The following NTNG1 variants were observed in gnomAD, a reference collection of about 807,000 sequenced individuals.
The protein encoded by NTNG1 is netrin-G1.
Under a neutral mutation model 54.0 loss-of-function variants are expected in NTNG1, and 16 were observed. The observed-to-expected ratio is 0.30, with a 90% confidence interval of 0.20 to 0.45. NTNG1 has a LOEUF of 0.45. Ranked by LOEUF, NTNG1 falls within the 20% of genes least tolerant of loss-of-function variation. The pLI, the probability that NTNG1 is intolerant of heterozygous loss-of-function variation, is 1.00. For missense variants in NTNG1, 530 were observed against 678.7 expected, an observed-to-expected ratio of 0.78 and a Z score of 2.43; for synonymous variants, 255 against 263.1, an observed-to-expected ratio of 0.97 and a Z score of 0.30.
intron 3 of NTNG1, among the ~76,000 whole-genome samples, chr1:107,325,189 A>G (rs534569052): frequency 6.6e-6 from 1 of 152,122 alleles, no homozygotes; most frequent in Non-Finnish European, 1.5e-5. Context: ...CTGAGTCGGG[A>G]GGTCCTTTAG....
At chr1:107,268,070 A>G (rs556083916) in intron 2 of NTNG1, among the ~76,000 whole-genome samples, 1 of 152,200 alleles carries the variant, frequency 6.6e-6, no homozygotes, top group South Asian at 2.1e-4. Flanking sequence ...TTTCTCCTAC[A>G]TTATCATTTC....
At chr1:107,420,123 GTT>G (rs1298422338) in intron 5 of NTNG1, among the ~76,000 whole-genome samples, 1 of 152,044 alleles carries the variant, frequency 6.6e-6, no homozygotes, top group Non-Finnish European at 1.5e-5. Flanking sequence ...TCCACAGTGA[GTT>G]TTGAGCTGAA....
chr1:107,407,866 C>A (rs1228814477), intron 5 of NTNG1, 158 bp downstream of exon 5: 1 of 763,138 alleles, frequency 1.3e-6, no homozygotes, highest in Non-Finnish European at 2.4e-6. Flanking sequence ...CTGCACAGAT[C>A]TGGTGAGAAC....
chr1:107,361,126 A>G (rs1356408570), intron 3 of NTNG1, among the ~76,000 whole-genome samples: 2 of 145,400 alleles, frequency 1.4e-5, no homozygotes, highest in African/African-American at 2.5e-5. Flanking sequence ...ATAGTATTAT[A>G]TATTTCTTAT....
rs12024408 is a variant in NTNG1, at chr1:107,281,338, T to A, written c.247-42944T>A. On this transcript the variant is annotated intron_variant, in intron 2 of 7. Transcript: ENST00000370068. ...ACAAGTCCCTTAACTGCTCTTGGAATTTATATTTAGCAGGGATTTTTTTTT... is the reference window on the plus strand; with the variant it reads ...ACAAGTCCCTTAACTGCTCTTGGAAATTATATTTAGCAGGGATTTTTTTTT... Among the ~76,000 whole-genome samples the A allele has an allele frequency of 2.4e-3, 358 of 152,084 alleles. 9 individuals carry two copies. In the East Asian group the frequency reaches 0.055, roughly 23 times the overall value.
chr1:107,402,068 A>G (rs1207751085), intron 4 of NTNG1, among the ~76,000 whole-genome samples: 2 of 152,196 alleles, frequency 1.3e-5, no homozygotes, highest in Non-Finnish European at 1.5e-5. Context: ...GCAGCTATGT[A>G]GGGAGATATA....
chr1:107,223,730 C>T (rs1337069770), intron 2 of NTNG1, among the ~76,000 whole-genome samples: 1 of 152,014 alleles, frequency 6.6e-6, no homozygotes, highest in Non-Finnish European at 1.5e-5. Context: ...AAAGGTATCT[C>T]TAGGGATTAC....
rs1337394959 is a variant in NTNG1, at chr1:107,416,790, C to T, written c.1087+9082C>T. On this transcript the variant is annotated intron_variant, in intron 5 of 7. Transcript: ENST00000370068. ...GCATTTCATCAAGACAAACAAGTCA[C>T]TACTTAACATTAAGCTTGCAAACAT... 7.9e-5 allele frequency among the ~76,000 whole-genome samples: 12 copies of T among 152,030 alleles called. No individual in the cohort carries two copies. The East Asian group carries it at 2.1e-3, about 27-fold the overall frequency.
intron 2 of NTNG1, among the ~76,000 whole-genome samples, chr1:107,196,939 C>T (rs1426255178): frequency 6.6e-6 from 1 of 151,408 alleles, no homozygotes. Context: ...CATTCTCGGG[C>T]GGGTGTGTGT....
At chr1:107,429,895 C>G (rs1675148121) in intron 5 of NTNG1, among the ~76,000 whole-genome samples, 1 of 152,148 alleles carries the variant, frequency 6.6e-6, no homozygotes, top group Admixed American at 6.6e-5. Context: ...CCCAACTACT[C>G]TCATGCTCTT....
chr1:107,194,474 T>G (rs756357212), intron 2 of NTNG1, among the ~76,000 whole-genome samples: 1 of 152,100 alleles, frequency 6.6e-6, no homozygotes, highest in African/African-American at 2.4e-5. Context: ...AATACTTTGA[T>G]TTATTCTTCT....
At chr1:107,238,951 C>T (rs902648067) in intron 2 of NTNG1, among the ~76,000 whole-genome samples, 3 of 151,966 alleles carry the variant, frequency 2.0e-5, no homozygotes, top group African/African-American at 7.3e-5. Flanking sequence ...GGAAGCTATG[C>T]TCCAGAAAGA....
intron 5 of NTNG1, among the ~76,000 whole-genome samples, chr1:107,418,942 G>A (rs1053512872): frequency 3.9e-5 from 6 of 151,954 alleles, no homozygotes; most frequent in Admixed American, 3.9e-4. Context: ...GGACAAACAA[G>A]ACTTAAAAAT....
chr1:107,283,866 T>A (rs906008536), intron 2 of NTNG1, among the ~76,000 whole-genome samples: 4 of 152,196 alleles, frequency 2.6e-5, no homozygotes, highest in African/African-American at 9.6e-5. Context: ...TTTCAGTTAT[T>A]CATTTGCATG....
chr1:107,475,275 T>C (rs949771185), intron 7 of NTNG1, among the ~76,000 whole-genome samples: 1 of 152,208 alleles, frequency 6.6e-6, no homozygotes, highest in Non-Finnish European at 1.5e-5. Flanking sequence ...ACATTTCTCC[T>C]GATTGTTCTT....
chr1:107,168,619 C>A (rs1655988078), intron 2 of NTNG1, among the ~76,000 whole-genome samples: 1 of 152,012 alleles, frequency 6.6e-6, no homozygotes, highest in African/African-American at 2.4e-5. Context: ...TTAAAATAAT[C>A]ATATTTTAAA....
chr1:107,446,374 T>A (rs892205661), intron 7 of NTNG1, among the ~76,000 whole-genome samples: 2 of 152,124 alleles, frequency 1.3e-5, no homozygotes, highest in African/African-American at 4.8e-5. Context: ...GGCCATAAAA[T>A]GATCAGGATT....
chr1:107,241,804 G>A (rs543357102), intron 2 of NTNG1, among the ~76,000 whole-genome samples: 24 of 152,224 alleles, frequency 1.6e-4, no homozygotes, highest in Admixed American at 7.8e-4. Flanking sequence ...AAAAAAAGTC[G>A]GGAGGGAGTC....
chr1:107,203,943 A>C (rs10748502), intron 2 of NTNG1, among the ~76,000 whole-genome samples: 130,308 of 151,872 alleles, frequency 0.86, 57,597 homozygotes, highest in East Asian at 0.99. Context: ...TTATTCCACT[A>C]ACTTTATTTT....
Sources: gnomAD v4.1 joint callset for allele counts (sites outside exome capture counted in the v4.1 genomes callset) on GRCh38, gnomAD v4.1.1 for gene constraint, MANE v1.5 for transcripts, NCBI Gene and HGNC (gene_info 2026-07-23, HGNC 2026-07-21) for gene names.